The following REPS1 variants were observed in gnomAD, a reference collection of about 807,000 sequenced individuals.
REPS1 encodes RALBP1 associated Eps domain containing 1.
REPS1 carries 39 observed loss-of-function variants against 100.9 expected under a neutral mutation model. That is an observed-to-expected ratio of 0.39 (90% confidence interval 0.30 to 0.50). REPS1 has a LOEUF of 0.50. REPS1 is among the 20% of genes least tolerant of loss of function. REPS1 has a pLI of 0.86. For missense variants in REPS1, 821 were observed against 968.5 expected, an observed-to-expected ratio of 0.85 and a Z score of 2.02; for synonymous variants, 324 against 340.3, an observed-to-expected ratio of 0.95 and a Z score of 0.53.
Position 138,943,940 on chromosome 6 carries a change from C to A in REPS1, c.829G>T (p.Asp277Tyr). 1 of 1,613,640 alleles carries A rather than the reference C, an allele frequency of 6.2e-7. No individual in the cohort carries two copies. The highest frequency in any genetic ancestry group is 1.1e-5 in the South Asian group (1 of 91,070). Residue 277 changes from aspartate to tyrosine, a missense_variant, in exon 6 of 20, where the codon GAT becomes TAT. Asp to Tyr is a radical substitution (Grantham distance 160). This residue lies in a region of REPS1 where 757 missense variants were observed against 866.4 expected (regional missense o/e 0.87). Transcript: ENST00000450536. ...EIRRQSSSYD[D>Y]PWKITDEQRQ... The stretch of plus-strand genomic sequence containing the variant: ...TGTTCATCTGTTATTTTCCAGGGAT[C>A]ATCATAACTACTGGATTGCCTACGA...
chr6:138,967,300 A>T (rs1409475105), intron 1 of REPS1, among the ~76,000 whole-genome samples: 1 of 152,246 alleles, frequency 6.6e-6, no homozygotes, highest in Non-Finnish European at 1.5e-5. Flanking sequence ...TAAAATGGAT[A>T]AGGCAACATC....
At chr6:138,973,705 T>C (rs1388275986) in intron 1 of REPS1, among the ~76,000 whole-genome samples, 1 of 151,894 alleles carries the variant, frequency 6.6e-6, no homozygotes, top group East Asian at 1.9e-4. Flanking sequence ...TTATCCTCTG[T>C]GTCATTTTAA....
chr6:138,921,041 G>C lies in REPS1; in HGVS notation c.1422C>G (p.Gly474=), dbSNP rs552952831. The change falls in exon 11 of 20, where the codon GGC becomes GGG. Residue 474 remains glycine, a synonymous_variant. Coordinates refer to ENST00000450536, the MANE Select transcript of REPS1 (RefSeq NM_001286611.2). ...AACCAGCAACAGCTTCCTTACCGCT[G>C]CCAGTTCTTTTAAGTTCCATTTCCT... The part of the protein sequence containing the change: ...HMQEMELKRT[G]SDHTNPTSPL... The C allele has an allele frequency of 1.2e-6, 2 of 1,609,456 alleles. No homozygotes were observed. Among genetic ancestry groups the C allele is most frequent in the Admixed American group, 1.7e-5 (1 of 59,810 alleles).
intron 10 of REPS1, among the ~76,000 whole-genome samples, chr6:138,924,491 G>A (rs750166708): frequency 6.6e-6 from 1 of 152,114 alleles, no homozygotes; most frequent in African/African-American, 2.4e-5. Flanking sequence ...TTTCGCTTCT[G>A]AGTTCTAGAT....
intron 1 of REPS1, among the ~76,000 whole-genome samples, chr6:138,948,349 T>C (rs1188895): frequency 0.36 from 55,422 of 152,056 alleles, 11,926 homozygotes; most frequent in Admixed American, 0.51. Flanking sequence ...AAAGGCAAGA[T>C]ACCTAATTTT....
At chr6:138,963,721 C>A (rs1198145218) in intron 1 of REPS1, among the ~76,000 whole-genome samples, 1 of 152,122 alleles carries the variant, frequency 6.6e-6, no homozygotes, top group Non-Finnish European at 1.5e-5. Context: ...TGGACACACG[C>A]CAAAGCCCCG....
intron 1 of REPS1, among the ~76,000 whole-genome samples, chr6:138,957,199 A>G (rs1783444413): frequency 1.3e-5 from 2 of 152,172 alleles, no homozygotes; most frequent in Non-Finnish European, 2.9e-5. Flanking sequence ...CTCAAAATGA[A>G]CCAAAAAAAT....
chr6:138,936,662 A>C (rs1159426165), intron 8 of REPS1, among the ~76,000 whole-genome samples: 1 of 151,804 alleles, frequency 6.6e-6, no homozygotes, highest in Non-Finnish European at 1.5e-5. Context: ...TTAATTAGAA[A>C]GCTAATGACA....
At chr6:138,929,927 T>C in intron 9 of REPS1, 50 bp downstream of exon 9, 2 of 1,596,452 alleles carry the variant, frequency 1.3e-6, no homozygotes, top group Non-Finnish European at 8.6e-7. Context: ...TGGAACATCT[T>C]ACCTTAAAAG....
intron 1 of REPS1, among the ~76,000 whole-genome samples, chr6:138,978,426 C>A (rs1784724345): frequency 6.6e-6 from 1 of 151,804 alleles, no homozygotes; most frequent in Admixed American, 6.6e-5. Flanking sequence ...GCCTCAGCCT[C>A]CCAAGTAGCT....
chr6:138,937,723 T>G (rs544729127), intron 8 of REPS1, among the ~76,000 whole-genome samples: 15 of 152,280 alleles, frequency 9.9e-5, no homozygotes, highest in African/African-American at 3.6e-4. Context: ...GGTGTAAAGG[T>G]AGAAAACAGT....
At chr6:138,948,744 A>G (rs897812817) in intron 1 of REPS1, among the ~76,000 whole-genome samples, 1 of 152,196 alleles carries the variant, frequency 6.6e-6, no homozygotes, top group Non-Finnish European at 1.5e-5. Flanking sequence ...GTATAGAGAG[A>G]GCAGTTTTAG....
chr6:138,969,859 ATTTTTTTTT>A (rs56070030), intron 1 of REPS1, among the ~76,000 whole-genome samples: 10 of 94,636 alleles, frequency 1.1e-4, no homozygotes, highest in African/African-American at 3.9e-4. Flanking sequence ...GTGAATTGGG[ATTTTTTTTT>A]TTTTTTTTTT....
chr6:138,918,788 C>G (rs1780571064), intron 12 of REPS1, among the ~76,000 whole-genome samples: 1 of 152,070 alleles, frequency 6.6e-6, no homozygotes, highest in Non-Finnish European at 1.5e-5. Flanking sequence ...CATTTATTTT[C>G]AATTTCCTCA....
Position 138,942,035 on chromosome 6 carries a change from T to C in REPS1, c.981-546A>G, listed in dbSNP as rs562838332. On this transcript the variant is annotated intron_variant, in intron 7 of 19. Transcript: ENST00000450536. Reference sequence around the variant, plus strand: ...CTGGGATTACAGGTACGCGTCACCATGCCTGGCTAATTTTGGCCAGGCTGG... The same window carrying C: ...CTGGGATTACAGGTACGCGTCACCACGCCTGGCTAATTTTGGCCAGGCTGG... Among the ~76,000 whole-genome samples the C allele has an allele frequency of 6.7e-4, 102 of 152,278 alleles. 1 individual carries two copies. In the South Asian group the frequency reaches 0.011, roughly 16 times the overall value.
At chr6:138,987,470 C>T in intron 1 of REPS1, 60 bp downstream of exon 1, 1 of 1,441,126 alleles carries the variant, frequency 6.9e-7, no homozygotes, top group Non-Finnish European at 9.2e-7. Flanking sequence ...CCCACTCCCA[C>T]TCCTGGAGGC....
chr6:138,964,215 T>C (rs1406930693), intron 1 of REPS1, among the ~76,000 whole-genome samples: 1 of 152,108 alleles, frequency 6.6e-6, no homozygotes, highest in Non-Finnish European at 1.5e-5. Flanking sequence ...CTTGTTTTTT[T>C]TTTCCTACCT....
chr6:138,926,639 T>C, intron 9 of REPS1, 158 bp from the exon 10 acceptor site: 2 of 592,696 alleles, frequency 3.4e-6, no homozygotes, highest in South Asian at 3.9e-5. Flanking sequence ...CAACATTTTA[T>C]ATTTATTCTG....
intron 1 of REPS1, among the ~76,000 whole-genome samples, chr6:138,973,459 C>T (rs946500723): frequency 2.4e-4 from 36 of 151,824 alleles, no homozygotes; most frequent in African/African-American, 7.5e-4. Flanking sequence ...AGAAAAAATA[C>T]AGTAAGTTTA....
Sources: allele counts gnomAD v4.1 joint callset (sites outside exome capture counted in the v4.1 genomes callset), GRCh38; gene constraint gnomAD v4.1.1; regional missense constraint gnomAD v4.1.1; transcripts MANE v1.5; gene names NCBI Gene and HGNC (gene_info 2026-07-23, HGNC 2026-07-21).